ZNF823: variants seen among roughly 807,000 people sequenced by gnomAD.
ZNF823 encodes zinc finger protein 823, also known as ZFP 36 for a zinc finger protein.
A neutral mutation model predicts 11.4 loss-of-function variants in ZNF823; 5 were observed. That is an observed-to-expected ratio of 0.44 (90% CI 0.23 to 0.92). The LOEUF is 0.92. Among genes scored for constraint, ZNF823 ranks in the 40% least tolerant of loss-of-function variants. The pLI is 0.24. For synonymous variants in ZNF823, 234 were observed against 250.5 expected, an observed-to-expected ratio of 0.93 and a Z score of 0.62; for missense variants, 582 against 738.5, an observed-to-expected ratio of 0.79 and a Z score of 2.46.
chr19:11,735,751 T>A (rs74447353), intron 1 of ZNF823, among the ~76,000 whole-genome samples: 3 of 151,802 alleles, frequency 2.0e-5, no homozygotes, highest in African/African-American at 7.3e-5. Flanking sequence ...AAAAAAAAAA[T>A]ACCCATGTGT....
chr19:11,723,489 A>G, intron 3 of ZNF823, 147 bp from the exon 4 acceptor site: 1 of 684,254 alleles, frequency 1.5e-6, no homozygotes, highest in Non-Finnish European at 2.4e-6. Flanking sequence ...GCTGTGTAAG[A>G]TGGTCCCATC....
chr19:11,736,994 T>C (rs550025949), intron 1 of ZNF823, among the ~76,000 whole-genome samples: 1 of 152,308 alleles, frequency 6.6e-6, no homozygotes, highest in East Asian at 1.9e-4. Context: ...GACATCCAGC[T>C]GCTCCCCTAT....
chr19:11,728,610 A>G (rs1974838329), intron 1 of ZNF823, among the ~76,000 whole-genome samples: 1 of 152,206 alleles, frequency 6.6e-6, no homozygotes, highest in African/African-American at 2.4e-5. Context: ...TTAGTTATAA[A>G]TGGTATACTA....
Position 11,736,465 on chromosome 19 carries a change from G to A in ZNF823, c.3+2352C>T, listed in dbSNP as rs1428304194. ...ACCCAGGAGGTTGAGGCTGCAGTGA[G>A]CCAAGATCCCACCACTGCACTCCAG... On this transcript the variant is annotated intron_variant, in intron 1 of 3. Coordinates refer to ENST00000341191, the MANE Select transcript of ZNF823 (RefSeq NM_001080493.4). 2.0e-4 allele frequency among the ~76,000 whole-genome samples: 31 copies of A among 152,214 alleles called. 1 individual carries two copies. Among genetic ancestry groups the A allele is most frequent in the Admixed American group, 2.0e-3 (31 of 15,274 alleles).
Position 11,722,553 on chromosome 19 carries a change from A to C in ZNF823, c.981T>G (p.Thr327=). 6.2e-7 allele frequency: 1 copy of C among 1,614,150 alleles called. No individual in the cohort carries two copies. Among genetic ancestry groups the C allele is most frequent in the Non-Finnish European group, 8.5e-7 (1 of 1,180,026 alleles). The change falls in exon 4 of 4, where the codon ACT becomes ACG. Residue 327 remains threonine, a synonymous_variant. Coordinates refer to ENST00000341191, the MANE Select transcript of ZNF823 (RefSeq NM_001080493.4). The surrounding 1 kb of genome is among the most constrained non-coding windows in gnomAD (Gnocchi z 5.2). ...TCTTACATTTATGTGGTCCGTCTCC[A>C]GTGTGCCTTATCATGTGTCTTCGAA... ...TSFRRHMIRH[T]GDGPHKCKIC... is the part of the protein sequence containing the mutation.
rs769022524 is a variant in ZNF823, at chr19:11,722,781, C to T, written c.753G>A (p.Lys251=). The change falls in exon 4 of 4, where the codon AAG becomes AAA. Residue 251 remains lysine (K), a synonymous_variant. Transcript: ENST00000341191. This position sits in a 1 kb window ranked among gnomAD's most constrained non-coding sequence, Gnocchi z 5.2. ...AATCAGGAAAGGCTTTGGAACACTGCTTACATTCATACGCTTTCTCTCCCG... is the reference window on the plus strand; with the variant it reads ...AATCAGGAAAGGCTTTGGAACACTGTTTACATTCATACGCTTTCTCTCCCG... ...IHTGEKAYEC[K]QCSKAFPDYS... 1.5e-5 allele frequency: 24 copies of T among 1,614,018 alleles called. No homozygotes were observed. Among genetic ancestry groups the T allele is most frequent in the Non-Finnish European group, 2.0e-5 (24 of 1,180,026 alleles).
intron 3 of ZNF823, among the ~76,000 whole-genome samples, chr19:11,723,813 G>T (rs1196269413): frequency 6.6e-6 from 1 of 152,206 alleles, no homozygotes; most frequent in Non-Finnish European, 1.5e-5. Flanking sequence ...CTAAAGTGCT[G>T]GGATTACAGG....
Position 11,721,815 on chromosome 19 carries a change from A to G in ZNF823, c.1719T>C (p.His573=), listed in dbSNP as rs933920240. Residue 573 remains histidine (H), a synonymous_variant, in exon 4 of 4, where the codon CAT becomes CAC. Transcript: ENST00000341191. The part of the protein sequence containing the change: ...AFTRSRFLRG[H]EKTHTGEKLY... ...GCTTCTCTCCAGTGTGAGTTTTTTCATGTCCTCGAAGGAAACGGGAACGAG... is the reference window on the plus strand; with the variant it reads ...GCTTCTCTCCAGTGTGAGTTTTTTCGTGTCCTCGAAGGAAACGGGAACGAG... 4 of 1,613,970 alleles carry G rather than the reference A, an allele frequency of 2.5e-6. No homozygotes were observed. The highest frequency in any genetic ancestry group is 1.7e-6 in the Non-Finnish European group (2 of 1,180,014).
chr19:11,736,518 C>CA (rs1484390822), intron 1 of ZNF823, among the ~76,000 whole-genome samples: 3 of 151,208 alleles, frequency 2.0e-5, no homozygotes, highest in Non-Finnish European at 4.4e-5. Context: ...GACTCCGTCT[C>CA]AAAAAAAAGT....
At chr19:11,725,578 T>G (rs1191997582) in intron 1 of ZNF823, among the ~76,000 whole-genome samples, 1 of 152,222 alleles carries the variant, frequency 6.6e-6, no homozygotes, top group Non-Finnish European at 1.5e-5. Flanking sequence ...GAGTGAGTCT[T>G]ATTGCCTGCG....
At chr19:11,728,712 A>G (rs10424527) in intron 1 of ZNF823, among the ~76,000 whole-genome samples, 12,902 of 152,280 alleles carry the variant, frequency 0.085, 1,181 homozygotes, top group African/African-American at 0.23. Context: ...TAGAATGCTC[A>G]GTTAAAATGA....
Position 11,721,959 on chromosome 19 carries a change from C to T in ZNF823, c.1575G>A (p.Lys525=), listed in dbSNP as rs780481461. The T allele has an allele frequency of 5.6e-6, 9 of 1,614,118 alleles. No homozygotes were observed. In the Admixed American group the frequency reaches 1.3e-4, roughly 24 times the overall value. The change falls in exon 4 of 4, where the codon AAG becomes AAA. Residue 525 remains lysine (K), a synonymous_variant. Coordinates refer to ENST00000341191, the MANE Select transcript of ZNF823 (RefSeq NM_001080493.4). ...TTCCACATTCCTTACATTCATATGG[C>T]TTCTCTCCAGAGTGAATCCTTTCAT... is the stretch of plus-strand genomic sequence containing the variant. The part of the protein sequence containing the change: ...KVHERIHSGE[K]PYECKECGKA...
At chr19:11,735,049 C>A (rs1974967140) in intron 1 of ZNF823, among the ~76,000 whole-genome samples, 1 of 151,794 alleles carries the variant, frequency 6.6e-6, no homozygotes, top group South Asian at 2.1e-4. Flanking sequence ...CCGAGGTGGG[C>A]TGATCACTTG....
At chr19:11,732,722 C>A (rs564178163) in intron 1 of ZNF823, among the ~76,000 whole-genome samples, 1 of 152,340 alleles carries the variant, frequency 6.6e-6, no homozygotes, top group Admixed American at 6.5e-5. Flanking sequence ...CGGGAGCCAC[C>A]GCGCCCGGCA....
rs780482459 is a variant in ZNF823, at chr19:11,722,407, C to T, written c.1127G>A (p.Arg376Gln). ...TCCTGTGTGTGTTATCATGTGACTT[C>T]GAAAGCTCGAGCTATGAGATAACAC... ...GKVLSHSSSF[R>Q]SHMITHTGDG... The change falls in exon 4 of 4, where the codon CGA becomes CAA. Residue 376 changes from arginine to glutamine, a missense_variant. Physicochemically the swap from Arg to Gln is conservative, Grantham distance 43. Around this residue, in one of 3 missense-constraint regions of ZNF823, gnomAD observed 429 missense variants for 553.7 expected, o/e 0.77. Transcript: ENST00000341191. The surrounding 1 kb of genome is among the most constrained non-coding windows in gnomAD (Gnocchi z 5.2). 57 of 1,613,756 alleles carry T rather than the reference C, an allele frequency of 3.5e-5. No individual in the cohort carries two copies. The highest frequency in any genetic ancestry group is 4.1e-5 in the Non-Finnish European group (48 of 1,179,986).
In ZNF823 at chr19:11,722,458, G is replaced by A. The variant is rs1599698371; in HGVS notation, c.1076C>T (p.Pro359Leu). Residue 359 changes from proline to leucine, a missense_variant, in exon 4 of 4, where the codon CCC (proline) becomes CTC (leucine). Around this residue, in one of 3 missense-constraint regions of ZNF823, gnomAD observed 429 missense variants for 553.7 expected, o/e 0.77. Transcript: ENST00000341191. The surrounding 1 kb of genome is among the most constrained non-coding windows in gnomAD (Gnocchi z 5.2). ...TTTCCCACACTGCTTACATTCATAG[G>A]GTTTCTCTCCAGTGTGAGTAGTTTC... Reference protein sequence around the residue: ...NHETTHTGEKPYECKQCGKVL... With the variant: ...NHETTHTGEKLYECKQCGKVL... The A allele has an allele frequency of 6.8e-6, 11 of 1,614,160 alleles. No homozygotes were observed. The highest frequency in any genetic ancestry group is 7.6e-6 in the Non-Finnish European group (9 of 1,180,028).
intron 1 of ZNF823, among the ~76,000 whole-genome samples, chr19:11,731,839 A>C (rs925512953): frequency 6.6e-6 from 1 of 151,662 alleles, no homozygotes; most frequent in Non-Finnish European, 1.5e-5. Context: ...GAGAAACCCC[A>C]CCTCTACTAA....
intron 1 of ZNF823, among the ~76,000 whole-genome samples, chr19:11,737,169 C>G (rs1975005915): frequency 6.6e-6 from 1 of 152,194 alleles, no homozygotes; most frequent in African/African-American, 2.4e-5. Flanking sequence ...GACAGATCAC[C>G]CTGTGCCATT....
At chr19:11,737,399 G>A (rs1162463079) in intron 1 of ZNF823, among the ~76,000 whole-genome samples, 1 of 152,078 alleles carries the variant, frequency 6.6e-6, no homozygotes, top group Non-Finnish European at 1.5e-5. Context: ...AAGTAGCTGG[G>A]ATTACAGGCA....
Sources: allele counts gnomAD v4.1 joint callset (sites outside exome capture counted in the v4.1 genomes callset), GRCh38; gene constraint gnomAD v4.1.1; regional missense constraint gnomAD v4.1.1; non-coding constraint Gnocchi (gnomAD v3.1); transcripts MANE v1.5; gene names NCBI Gene and HGNC (gene_info 2026-07-23, HGNC 2026-07-21).